Variants in MYO10 observed in about 807,000 individuals in gnomAD.
MYO10 encodes myosin X, also known as unconventional myosin-X.
A neutral mutation model predicts 257.3 loss-of-function variants in MYO10; 133 were observed. That is an observed-to-expected ratio of 0.52 (90% confidence interval 0.45 to 0.60). The LOEUF (loss-of-function observed/expected upper bound fraction) is 0.60, where lower values mean the gene tolerates loss of function less well. Among genes scored for constraint, MYO10 ranks in the 20% least tolerant of loss-of-function variants. The pLI, the probability that MYO10 is intolerant of heterozygous loss-of-function variation, is 0.00. For missense variants in MYO10, 2,399 were observed against 2,635.7 expected (o/e 0.91, Z 1.97); for synonymous variants, 1,104 against 1,028.6 (o/e 1.07, Z -1.40).
chr5:16,739,878 T>C (rs190571793), intron 19 of MYO10, among the ~76,000 whole-genome samples: 2 of 152,262 alleles, frequency 1.3e-5, no homozygotes, highest in African/African-American at 2.4e-5. Flanking sequence ...GTAAGAATCG[T>C]CTTTATATTG....
chr5:16,725,156 A>G (rs250462), intron 19 of MYO10, among the ~76,000 whole-genome samples: 1 of 132,440 alleles, frequency 7.6e-6, no homozygotes, highest in African/African-American at 2.9e-5. Flanking sequence ...GCATGATCTC[A>G]GCTCACTGCA....
chr5:16,923,522 C>T (rs1031362311), intron 1 of MYO10, among the ~76,000 whole-genome samples: 7 of 151,626 alleles, frequency 4.6e-5, no homozygotes, highest in Non-Finnish European at 7.4e-5. Flanking sequence ...CTCCTGACCT[C>T]GTGATCCACC....
chr5:16,733,675 T>G (rs1437549788), intron 19 of MYO10, among the ~76,000 whole-genome samples: 1 of 152,176 alleles, frequency 6.6e-6, no homozygotes, highest in Non-Finnish European at 1.5e-5. Flanking sequence ...TAGCCAGCCT[T>G]AGATCACAGC....
chr5:16,883,551 T>C (rs771340631), intron 1 of MYO10, among the ~76,000 whole-genome samples: 15 of 152,158 alleles, frequency 9.9e-5, no homozygotes, highest in Non-Finnish European at 1.9e-4. Context: ...CATAAAACCC[T>C]GGCCAACGGC....
chr5:16,893,403 G>A (rs73064925), intron 1 of MYO10, among the ~76,000 whole-genome samples: 5,375 of 152,002 alleles, frequency 0.035, 142 homozygotes, highest in African/African-American at 0.066. Flanking sequence ...GAGAGGCTGA[G>A]CAGGCAGATC....
At position 16,762,813 on chromosome 5, in the gene MYO10, AATTAACTGG is replaced by A. The variant is rs1197881617; in HGVS notation, c.1495-185_1495-177del. ...CCTGTTTCTACTAAATATACAAAAA[AATTAACTGG>A]GCGTGGTGGCATACACCTGTAATCC... On this transcript the variant is annotated intron_variant, in intron 14 of 40. Coordinates refer to ENST00000513610, the MANE Select transcript of MYO10 (RefSeq NM_012334.3). 4.6e-5 allele frequency among the ~76,000 whole-genome samples: 7 copies of A among 152,032 alleles called. 1 individual carries two copies. In the East Asian group the frequency reaches 1.4e-3, roughly 30 times the overall value.
At position 16,889,087 on chromosome 5, in the gene MYO10, G is replaced by A. The variant is rs143540730; in HGVS notation, c.22-11380C>T. On this transcript the variant is annotated intron_variant, in intron 1 of 40. Coordinates refer to ENST00000513610, the MANE Select transcript of MYO10 (RefSeq NM_012334.3). Reference sequence around the variant, plus strand: ...ACTCAGCAGGCTGAGGTGGGAGGATGGCTTAAGCCCAAGAGGCGGAGGTTG... The same window carrying A: ...ACTCAGCAGGCTGAGGTGGGAGGATAGCTTAAGCCCAAGAGGCGGAGGTTG... Among the ~76,000 whole-genome samples, 338 of 151,926 alleles carry A rather than the reference G, an allele frequency of 2.2e-3. 1 individual carries two copies. Among genetic ancestry groups the A allele is most frequent in the African/African-American group, 8.0e-3 (331 of 41,432 alleles).
chr5:16,685,696 C>CCAGG, intron 29 of MYO10, 42 bp downstream of exon 29: 5 of 1,050,822 alleles, frequency 4.8e-6, no homozygotes, highest in Non-Finnish European at 5.6e-6. Flanking sequence ...CCCGTCCCTG[C>CCAGG]CCCTAGACGC....
intron 4 of MYO10, among the ~76,000 whole-genome samples, chr5:16,785,689 G>A (rs1741558090): frequency 6.6e-6 from 1 of 152,000 alleles, no homozygotes; most frequent in Non-Finnish European, 1.5e-5. Flanking sequence ...GGCTAACATG[G>A]TGAAACCCTG....
rs1240980643 is a variant in MYO10 at position 16,663,417 on chromosome 5, A to ACTAGATT, written c.*3268_*3274dup. The ACTAGATT allele has an allele frequency of 6.8e-6, 1 of 146,072 alleles. No individual in the cohort carries two copies. The highest frequency in any genetic ancestry group is 1.5e-5 in the Non-Finnish European group (1 of 67,402). 9.0% of individuals were successfully genotyped at this position (146,072 alleles called of 1,614,324 possible). A position where few individuals can be genotyped will look rare whatever the true frequency, so the allele number is the denominator to read the frequency against. On this transcript the variant is annotated 3_prime_UTR_variant, in exon 41 of 41. Coordinates refer to ENST00000513610, the MANE Select transcript of MYO10 (RefSeq NM_012334.3). ...TTCAAAAGATTTAAAAATTAAAAAT[A>ACTAGATT]CTAGATTGTCAGCGTCTGAAGTGAT...
chr5:16,756,987 C>T (rs919078799), intron 18 of MYO10, among the ~76,000 whole-genome samples: 1 of 151,774 alleles, frequency 6.6e-6, no homozygotes, highest in Non-Finnish European at 1.5e-5. Context: ...TGCGTAATGG[C>T]GCATGCCTCT....
intron 19 of MYO10, among the ~76,000 whole-genome samples, chr5:16,718,544 T>G (rs1206008341): frequency 6.6e-6 from 1 of 152,046 alleles, no homozygotes; most frequent in Non-Finnish European, 1.5e-5. Flanking sequence ...GCTGCTCTGG[T>G]GAGGACGTGG....
chr5:16,889,909 G>C (rs1223291151), intron 1 of MYO10, among the ~76,000 whole-genome samples: 1 of 151,660 alleles, frequency 6.6e-6, no homozygotes, highest in African/African-American at 2.4e-5. Flanking sequence ...GAGAGGGGGA[G>C]AGAAATGCCT....
At chr5:16,880,209 A>G (rs1255205238) in intron 1 of MYO10, among the ~76,000 whole-genome samples, 8 of 151,582 alleles carry the variant, frequency 5.3e-5, no homozygotes, top group African/African-American at 1.9e-4. Flanking sequence ...AATAAAATCC[A>G]CAAGCCAGGA....
intron 19 of MYO10, among the ~76,000 whole-genome samples, chr5:16,713,945 T>C (rs973523536): frequency 6.6e-6 from 1 of 152,138 alleles, no homozygotes; most frequent in Non-Finnish European, 1.5e-5. Context: ...TGGCGACAAA[T>C]AGGTTGGAGT....
chr5:16,671,602 C>A, intron 37 of MYO10, 60 bp from the exon 38 acceptor site: 8 of 1,601,264 alleles, frequency 5.0e-6, no homozygotes, highest in Non-Finnish European at 6.8e-6. Flanking sequence ...CAGTGACCCG[C>A]AGGGACCTGA....
At chr5:16,923,387 T>C (rs557804437) in intron 1 of MYO10, among the ~76,000 whole-genome samples, 35 of 151,520 alleles carry the variant, frequency 2.3e-4, no homozygotes, top group Non-Finnish European at 4.9e-4. Context: ...CCTGGGTTCA[T>C]GCCATTCTCC....
chr5:16,787,609 TAA>T (rs70940401), intron 4 of MYO10, among the ~76,000 whole-genome samples: 2,270 of 124,818 alleles, frequency 0.018, 36 homozygotes, highest in African/African-American at 0.04. Context: ...TGTTTTGCTT[TAA>T]AAAAAAAAAA....
chr5:16,723,593 T>G (rs1739241395), intron 19 of MYO10, among the ~76,000 whole-genome samples: 1 of 152,102 alleles, frequency 6.6e-6, no homozygotes, highest in African/African-American at 2.4e-5. Flanking sequence ...TAACACATGA[T>G]CCAGCGACTG....
Sources: gnomAD v4.1 joint callset for allele counts (sites outside exome capture counted in the v4.1 genomes callset) on GRCh38, gnomAD v4.1.1 for gene constraint, MANE v1.5 for transcripts, NCBI Gene and HGNC (gene_info 2026-07-23, HGNC 2026-07-21) for gene names.